STK3: variants seen among roughly 807,000 people sequenced by gnomAD.
STK3 encodes the protein serine/threonine-protein kinase 3.
In STK3, 41 loss-of-function variants were observed where a neutral mutation model predicts 58.0. That is an observed-to-expected ratio of 0.71 (90% CI 0.55 to 0.92). STK3 has a LOEUF of 0.92. Ranked by LOEUF, STK3 falls within the 40% of genes least tolerant of loss-of-function variation. The pLI is 0.00. For missense variants in STK3, 479 were observed against 602.7 expected (o/e 0.79, Z 2.15); for synonymous variants, 170 against 191.0 (o/e 0.89, Z 0.91).
chr8:98,753,860 C>A lies in STK3; in HGVS notation c.237-4470G>T, dbSNP rs764634724. 5.1e-4 allele frequency among the ~76,000 whole-genome samples: 78 copies of A among 152,122 alleles called. 1 individual carries two copies. The highest frequency in any genetic ancestry group is 1.9e-4 in the Non-Finnish European group (13 of 68,022). On this transcript the variant is annotated intron_variant, in intron 3 of 10. Coordinates refer to ENST00000419617, the MANE Select transcript of STK3 (RefSeq NM_006281.4). The stretch of plus-strand genomic sequence containing the variant: ...CCGTTACCTCTTGCACAGACTTGCT[C>A]CCCACTGGTCTCCTTGTCTTAGTTT...
intron 6 of STK3, among the ~76,000 whole-genome samples, chr8:98,674,190 G>A (rs1472124403): frequency 3.3e-5 from 5 of 151,854 alleles, no homozygotes; most frequent in Non-Finnish European, 7.4e-5. Flanking sequence ...AAACTATCTG[G>A]GAAATAAAGA....
chr8:98,556,189 A>C (rs1811572265), intron 8 of STK3, among the ~76,000 whole-genome samples: 1 of 152,092 alleles, frequency 6.6e-6, no homozygotes, highest in East Asian at 1.9e-4. Flanking sequence ...CTTCAATTTT[A>C]CATCACTCAC....
intron 4 of STK3, among the ~76,000 whole-genome samples, chr8:98,713,044 T>A (rs1353256828): frequency 2.0e-5 from 3 of 152,114 alleles, no homozygotes; most frequent in South Asian, 4.1e-4. Flanking sequence ...ACTGGGTACA[T>A]AACGAAATGA....
intron 9 of STK3, among the ~76,000 whole-genome samples, chr8:98,544,646 TATA>T (rs1810548656): frequency 1.8e-5 from 2 of 109,202 alleles, no homozygotes; most frequent in African/African-American, 7.7e-5. Flanking sequence ...TTAATTCTAC[TATA>T]ACACACACAC....
chr8:98,765,440 TA>T (rs1049211714), intron 3 of STK3, among the ~76,000 whole-genome samples: 1 of 152,214 alleles, frequency 6.6e-6, no homozygotes, highest in Non-Finnish European at 1.5e-5. Context: ...CTATAGATCC[TA>T]TGTATTGTTA....
chr8:98,744,643 T>C (rs900659579), intron 4 of STK3, among the ~76,000 whole-genome samples: 19 of 149,450 alleles, frequency 1.3e-4, no homozygotes, highest in Non-Finnish European at 2.8e-4. Flanking sequence ...AATGACGAGT[T>C]AATGGGTACA....
chr8:98,653,618 C>A (rs1490924974), intron 6 of STK3, among the ~76,000 whole-genome samples: 2 of 152,018 alleles, frequency 1.3e-5, no homozygotes, highest in Non-Finnish European at 2.9e-5. Flanking sequence ...AGAGAAGAAT[C>A]AAATAGAAGC....
chr8:98,462,917 T>C (rs1317267922), intron 10 of STK3: 1 of 151,618 alleles, frequency 6.6e-6, no homozygotes, highest in Non-Finnish European at 1.5e-5. Flanking sequence ...CCAGAATTGT[T>C]TTTCTGGTTC....
At chr8:98,710,576 C>A (rs191176452) in intron 4 of STK3, among the ~76,000 whole-genome samples, 2 of 152,224 alleles carry the variant, frequency 1.3e-5, no homozygotes, top group Non-Finnish European at 1.5e-5. Context: ...AACTGCAATG[C>A]GGCAGCGAGG....
intron 10 of STK3, among the ~76,000 whole-genome samples, chr8:98,504,553 C>G (rs1416219090): frequency 6.6e-6 from 1 of 152,140 alleles, no homozygotes; most frequent in African/African-American, 2.4e-5. Context: ...ATGTTTAGTG[C>G]TTTCTTTAGG....
At chr8:98,735,928 T>A (rs1197415364) in intron 4 of STK3, among the ~76,000 whole-genome samples, 1 of 152,166 alleles carries the variant, frequency 6.6e-6, no homozygotes, top group Non-Finnish European at 1.5e-5. Flanking sequence ...GACAATCAGA[T>A]AATTTGTTTT....
intron 10 of STK3, among the ~76,000 whole-genome samples, chr8:98,471,648 G>A (rs1820928275): frequency 2.0e-5 from 3 of 152,228 alleles, no homozygotes; most frequent in South Asian, 4.1e-4. Flanking sequence ...CGTTTCTACT[G>A]AATGTGTATC....
At chr8:98,903,384 T>G (rs1337577022) in intron 1 of STK3, among the ~76,000 whole-genome samples, 1 of 152,040 alleles carries the variant, frequency 6.6e-6, no homozygotes, top group Non-Finnish European at 1.5e-5. Flanking sequence ...TTCTAATGAA[T>G]CCCAGAAGAG....
intron 6 of STK3, among the ~76,000 whole-genome samples, chr8:98,674,760 ATAAT>A (rs925400660): frequency 3.3e-5 from 5 of 152,212 alleles, no homozygotes; most frequent in African/African-American, 1.2e-4. Flanking sequence ...AAGCAAGAGA[ATAAT>A]TCGTATCTTC....
chr8:98,735,369 T>C (rs1183546149), intron 4 of STK3, among the ~76,000 whole-genome samples: 3 of 152,170 alleles, frequency 2.0e-5, no homozygotes, highest in Non-Finnish European at 1.5e-5. Flanking sequence ...TAGGATACCA[T>C]GACTGGGTTA....
Position 98,644,304 on chromosome 8 carries a change from T to G in STK3, c.685-48135A>C, listed in dbSNP as rs565207113. ...CAAAGTATGAATGAAACCGAACTTGTATAGACACATCTTTTAGCTCTCATT... is the reference window on the plus strand; with the variant it reads ...CAAAGTATGAATGAAACCGAACTTGGATAGACACATCTTTTAGCTCTCATT... On this transcript the variant is annotated intron_variant, in intron 6 of 10. Transcript: ENST00000419617. Among the ~76,000 whole-genome samples, 4 of 152,324 alleles carry G rather than the reference T, an allele frequency of 2.6e-5. No homozygotes were observed. The South Asian group carries it at 8.3e-4, about 32-fold the overall frequency.
chr8:98,605,788 T>C (rs1379992899), intron 6 of STK3, among the ~76,000 whole-genome samples: 1 of 152,088 alleles, frequency 6.6e-6, no homozygotes, highest in Non-Finnish European at 1.5e-5. Flanking sequence ...TGGGAGGTGA[T>C]TGGACCATGG....
intron 6 of STK3, among the ~76,000 whole-genome samples, chr8:98,652,249 A>T (rs1377857475): frequency 1.3e-5 from 2 of 152,228 alleles, no homozygotes; most frequent in Non-Finnish European, 2.9e-5. Context: ...TAAGTGAAGG[A>T]GAAATAAAAT....
chr8:98,466,732 T>C (rs1048441173), intron 10 of STK3, among the ~76,000 whole-genome samples: 1 of 152,220 alleles, frequency 6.6e-6, no homozygotes, highest in African/African-American at 2.4e-5. Context: ...TTTCCTGATG[T>C]TGTGGTTAGT....
Sources: gnomAD v4.1 joint callset for allele counts (sites outside exome capture counted in the v4.1 genomes callset) on GRCh38, gnomAD v4.1.1 for gene constraint, MANE v1.5 for transcripts, NCBI Gene and HGNC (gene_info 2026-07-23, HGNC 2026-07-21) for gene names.